The following DYSF variants were observed in gnomAD, a reference collection of about 807,000 sequenced individuals.
DYSF encodes dysferlin.
Under a neutral mutation model 274.9 loss-of-function variants are expected in DYSF, and 212 were observed. The ratio of observed to expected loss-of-function variants is 0.77; its 90% CI spans 0.69 to 0.86. The LOEUF (loss-of-function observed/expected upper bound fraction) is 0.86, where lower values mean the gene tolerates loss of function less well. Ranked by LOEUF, DYSF falls within the 40% of genes least tolerant of loss-of-function variation. DYSF has a pLI of 0.00. For synonymous variants in DYSF, 1,091 were observed against 1,078.7 expected, an observed-to-expected ratio of 1.01 and a Z score of -0.22; for missense variants, 2,666 against 2,783.2, an observed-to-expected ratio of 0.96 and a Z score of 0.95.
chr2:71,506,743 G>A (rs1052391441), intron 4 of DYSF, among the ~76,000 whole-genome samples: 18 of 152,130 alleles, frequency 1.2e-4, no homozygotes, highest in Admixed American at 9.8e-4. Flanking sequence ...TTTCCCTTAA[G>A]AGCCTCAGCA....
chr2:71,668,570 G>T (rs911227923), intron 48 of DYSF, among the ~76,000 whole-genome samples, 184 bp from the exon 49 acceptor site: 2 of 152,186 alleles, frequency 1.3e-5, no homozygotes, highest in Non-Finnish European at 2.9e-5. Context: ...CCAAGTCAGA[G>T]GCCTGTGGGG....
At position 71,564,133 on chromosome 2, in the gene DYSF, G is replaced by A. The variant is rs562925562; in HGVS notation, c.2485G>A (p.Ala829Thr). The A allele has an allele frequency of 4.8e-5, 77 of 1,614,232 alleles. No homozygotes were observed. Among genetic ancestry groups the A allele is most frequent in the South Asian group, 1.6e-4 (15 of 91,090 alleles). Residue 829 changes from alanine (A) to threonine (T), a missense_variant, in exon 24 of 56, where the codon GCC (alanine) becomes ACC (threonine). This residue lies in a region of DYSF where 412 missense variants were observed against 504.0 expected (regional missense o/e 0.82). Transcript: ENST00000410020. ...GCGTGTGGCATACCAGCGGGTGCCCGCCCACCAAGTCCTCTTCTCCCGGCG... is the reference window on the plus strand; with the variant it reads ...GCGTGTGGCATACCAGCGGGTGCCCACCCACCAAGTCCTCTTCTCCCGGCG... ...DKRVAYQRVP[A>T]HQVLFSRRGA...
intron 42 of DYSF, among the ~76,000 whole-genome samples, chr2:71,650,092 A>G (rs571587648): frequency 2.0e-5 from 3 of 152,300 alleles, no homozygotes; most frequent in South Asian, 4.1e-4. Context: ...ACAAAACACA[A>G]CTTACAGGAG....
chr2:71,473,640 G>A (rs1201250887), intron 1 of DYSF, among the ~76,000 whole-genome samples: 1 of 152,046 alleles, frequency 6.6e-6, no homozygotes, highest in African/African-American at 2.4e-5. Flanking sequence ...CTTCCCATTC[G>A]CCAAGCCGAT....
intron 30 of DYSF, among the ~76,000 whole-genome samples, chr2:71,583,425 G>A (rs1340334410): frequency 6.6e-6 from 1 of 152,170 alleles, no homozygotes; most frequent in Non-Finnish European, 1.5e-5. Context: ...CCATCTGCTT[G>A]ACTCTGCTGG....
intron 41 of DYSF, among the ~76,000 whole-genome samples, chr2:71,626,919 G>A (rs913748050): frequency 2.0e-5 from 3 of 150,816 alleles, no homozygotes; most frequent in Non-Finnish European, 3.0e-5. Context: ...AAATTTTCTA[G>A]GAATTATCTA....
At chr2:71,571,988 CAGCACACCCAGCACAGA>C (rs2092503958) in intron 29 of DYSF, among the ~76,000 whole-genome samples, 1 of 139,224 alleles carries the variant, frequency 7.2e-6, no homozygotes, top group African/African-American at 2.7e-5. Context: ...GGATCACATC[CAGCACACCCAGCACAGA>C]TCACACTCAG....
chr2:71,574,772 CA>C (rs2092645072), intron 30 of DYSF, among the ~76,000 whole-genome samples: 1 of 152,180 alleles, frequency 6.6e-6, no homozygotes, highest in African/African-American at 2.4e-5. Flanking sequence ...CCTCTTGAGG[CA>C]GAGACCATCT....
chr2:71,612,428 G>T (rs542583317), intron 38 of DYSF, among the ~76,000 whole-genome samples: 8 of 152,198 alleles, frequency 5.3e-5, no homozygotes, highest in Non-Finnish European at 7.4e-5. Flanking sequence ...GTAAAGCTGT[G>T]GGGGGAAAGC....
chr2:71,654,699 A>G (rs1211840210), intron 42 of DYSF, among the ~76,000 whole-genome samples: 1 of 152,190 alleles, frequency 6.6e-6, no homozygotes, highest in African/African-American at 2.4e-5. Context: ...AAAATTGAAT[A>G]TCATATTGCC....
rs1476872755 is a variant in DYSF, at chr2:71,551,739, G to T, written c.1806+19G>T. 1.3e-6 allele frequency: 2 copies of T among 1,586,312 alleles called. No individual in the cohort carries two copies. The highest frequency in any genetic ancestry group is 8.6e-7 in the Non-Finnish European group (1 of 1,166,126). On this transcript the variant is annotated intron_variant, in intron 19 of 55. Transcript: ENST00000410020. ...GGTGGAGGTGAGGGGTGTGGCTCTG[G>T]GTGGGAGCTGGGCGTCGGGGCAGGG...
At chr2:71,489,512 G>C (rs1409361537) in intron 3 of DYSF, among the ~76,000 whole-genome samples, 46 of 152,238 alleles carry the variant, frequency 3.0e-4, no homozygotes, top group Admixed American at 2.9e-3. Context: ...CCTGGCCTTG[G>C]TGCCATCTGG....
rs745505535 is a variant in DYSF, at chr2:71,515,761, A to G, written c.888+10A>G. On this transcript the variant is annotated intron_variant, in intron 8 of 55. Coordinates refer to ENST00000410020, the MANE Select transcript of DYSF (RefSeq NM_001130987.2). ...CCCACTCTTCAATGAGGTGGGAGAC[A>G]TGGGGCATGAGGGCCAGAACCTTGG... 2.5e-6 allele frequency: 4 copies of G among 1,614,110 alleles called. No homozygotes were observed. The highest frequency in any genetic ancestry group is 4.5e-5 in the East Asian group (2 of 44,866).
At chr2:71,454,193 C>G in intron 1 of DYSF, 2 of 1,134,074 alleles carry the variant, frequency 1.8e-6, no homozygotes, top group Non-Finnish European at 2.6e-6. Context: ...AGGAGACTTT[C>G]TGGCCCCGCC....
chr2:71,667,801 G>C (rs1470604658), intron 48 of DYSF, among the ~76,000 whole-genome samples: 1 of 152,142 alleles, frequency 6.6e-6, no homozygotes, highest in South Asian at 2.1e-4. Flanking sequence ...TCATCCTGAA[G>C]CCTCTCTGTT....
chr2:71,601,998 G>A (rs2093560649), intron 35 of DYSF, among the ~76,000 whole-genome samples: 1 of 152,216 alleles, frequency 6.6e-6, no homozygotes, highest in Non-Finnish European at 1.5e-5. Context: ...TCTCACACAT[G>A]CACGAGTTTC....
chr2:71,543,728 G>GGC (rs1041220512), intron 17 of DYSF, among the ~76,000 whole-genome samples: 1 of 152,210 alleles, frequency 6.6e-6, no homozygotes, highest in African/African-American at 2.4e-5. Context: ...CAGGCGTGGC[G>GGC]GCGCGCGCCT....
chr2:71,551,667 C>G lies in DYSF; in HGVS notation c.1753C>G (p.His585Asp). Reference sequence around the variant, plus strand: ...CTCCCTGGAGACCAAGCTGGTGGAGCACAGTGAACAGAAGGTGGAGGACCT... The same window carrying G: ...CTCCCTGGAGACCAAGCTGGTGGAGGACAGTGAACAGAAGGTGGAGGACCT... ...LLSLETKLVE[H>D]SEQKVEDLPA... The change falls in exon 19 of 56, where the codon CAC becomes GAC. Residue 585 changes from histidine (H) to aspartate (D), a missense_variant. His to Asp is a moderately conservative substitution (Grantham distance 81). Around this residue, in one of 3 missense-constraint regions of DYSF, gnomAD observed 794 missense variants for 777.1 expected, o/e 1.02. Transcript: ENST00000410020. 6.2e-7 allele frequency: 1 copy of G among 1,611,232 alleles called. No individual in the cohort carries two copies. Among genetic ancestry groups the G allele is most frequent in the East Asian group, 2.2e-5 (1 of 44,774 alleles).
At chr2:71,478,588 A>G (rs1464113202) in intron 1 of DYSF, among the ~76,000 whole-genome samples, 1 of 152,142 alleles carries the variant, frequency 6.6e-6, no homozygotes, top group East Asian at 1.9e-4. Context: ...AATCACAGGA[A>G]ATAAGTGTTT....
Sources: gnomAD v4.1 joint callset for allele counts (sites outside exome capture counted in the v4.1 genomes callset) on GRCh38, gnomAD v4.1.1 for gene constraint, gnomAD v4.1.1 regional missense constraint, MANE v1.5 for transcripts, NCBI Gene and HGNC (gene_info 2026-07-23, HGNC 2026-07-21) for gene names.